DSCAML1: variants seen among roughly 807,000 people sequenced by gnomAD.
The protein encoded by DSCAML1 is DS cell adhesion molecule like 1, also known as cell adhesion molecule DSCAML1.
In DSCAML1, 38 loss-of-function variants were observed where a neutral mutation model predicts 200.5. The ratio of observed to expected loss-of-function variants is 0.19; its 90% CI spans 0.15 to 0.25. The LOEUF is 0.25. DSCAML1 is among the 10% of genes least tolerant of loss of function. The pLI, the probability that DSCAML1 is intolerant of heterozygous loss-of-function variation, is 1.00. For synonymous variants in DSCAML1, 1,215 were observed against 1,165.0 expected (o/e 1.04, Z -0.87); for missense variants, 2,223 against 2,858.8 (o/e 0.78, Z 5.07).
chr11:117,549,674 A>G (rs571904215), intron 3 of DSCAML1, among the ~76,000 whole-genome samples: 9 of 152,350 alleles, frequency 5.9e-5, no homozygotes, highest in African/African-American at 2.2e-4. Context: ...TCCAACGTCT[A>G]CATCGGTACA....
chr11:117,664,011 G>GGA (rs1457372641), intron 3 of DSCAML1, among the ~76,000 whole-genome samples: 1 of 152,232 alleles, frequency 6.6e-6, no homozygotes, highest in Non-Finnish European at 1.5e-5. Flanking sequence ...ACCAAACATT[G>GGA]GAGACACAAC....
In DSCAML1 at chr11:117,505,478, G is replaced by A. The variant is rs1194304554; in HGVS notation, c.2038C>T (p.Arg680Trp). 13 of 1,611,790 alleles carry A rather than the reference G, an allele frequency of 8.1e-6. No homozygotes were observed. The highest frequency in any genetic ancestry group is 1.1e-5 in the South Asian group (1 of 91,066). ...CCACGCACGATGAGCTGGCGCTCCC[G>A]GCTCACGGTGGCGGCTGCGTTGCTG... The part of the protein sequence containing the change: ...IASNAAATVS[R>W]ERQLIVRVPP... Residue 680 changes from arginine (R) to tryptophan (W), a missense_variant, in exon 9 of 33, where the codon CGG becomes TGG. By Grantham distance (101) the Arg-to-Trp change is moderately radical (BLOSUM62 -3). Coordinates refer to ENST00000651296, the MANE Select transcript of DSCAML1 (RefSeq NM_020693.4). This position sits in a 1 kb window ranked among gnomAD's most constrained non-coding sequence, Gnocchi z 6.7.
intron 3 of DSCAML1, among the ~76,000 whole-genome samples, chr11:117,699,484 G>T (rs774043503): frequency 6.6e-6 from 1 of 152,240 alleles, no homozygotes; most frequent in Non-Finnish European, 1.5e-5. Flanking sequence ...GGGAGGTGAC[G>T]CAGGAAAACA....
intron 3 of DSCAML1, among the ~76,000 whole-genome samples, chr11:117,565,330 A>C (rs2050738248): frequency 6.6e-6 from 1 of 152,166 alleles, no homozygotes. Context: ...AAACAGTTGA[A>C]TGTTTCTCTT....
intron 8 of DSCAML1, among the ~76,000 whole-genome samples, chr11:117,507,859 C>T (rs2049532901): frequency 6.6e-6 from 1 of 152,202 alleles, no homozygotes; most frequent in Non-Finnish European, 1.5e-5. Context: ...CTGGCGGCCT[C>T]TTTTCCTGGG....
chr11:117,493,928 T>C (rs914920406), intron 11 of DSCAML1, among the ~76,000 whole-genome samples: 2 of 152,208 alleles, frequency 1.3e-5, no homozygotes, highest in African/African-American at 4.8e-5. Flanking sequence ...GTGCCTGGCC[T>C]GGTCTTCTAC....
At position 117,505,541 on chromosome 11, in the gene DSCAML1, C is replaced by T. The variant is rs533175875; in HGVS notation, c.1975G>A (p.Val659Ile). The T allele has an allele frequency of 1.5e-5, 24 of 1,613,566 alleles. No homozygotes were observed. Among genetic ancestry groups the T allele is most frequent in the African/African-American group, 5.3e-5 (4 of 75,002 alleles). The part of the protein sequence containing the change: ...EFMSSLQISS[V>I]SLKHNGNYTC... Reference sequence around the variant, plus strand: ...TAGTTGCCGTTGTGCTTGAGGGAGACGCTAGAGATCTGCAGGGAGCTCATG... The same window carrying T: ...TAGTTGCCGTTGTGCTTGAGGGAGATGCTAGAGATCTGCAGGGAGCTCATG... Residue 659 changes from valine (V) to isoleucine (I), a missense_variant, in exon 9 of 33, where the codon GTC becomes ATC. Val to Ile is a conservative substitution (Grantham distance 29, BLOSUM62 3). This residue lies in a region of DSCAML1 where 212 missense variants were observed against 368.0 expected (regional missense o/e 0.58). Transcript: ENST00000651296. The surrounding 1 kb of genome is among the most constrained non-coding windows in gnomAD (Gnocchi z 6.7).
rs2048010525 is a variant in DSCAML1, at chr11:117,439,994, C to T, written c.3863-58G>A. ...TTCTACCCCTGCACAATATCCTGGCCTCCTTCCTTAGGGCCCCCTGGATTT... is the reference window on the plus strand; with the variant it reads ...TTCTACCCCTGCACAATATCCTGGCTTCCTTCCTTAGGGCCCCCTGGATTT... On this transcript the variant is annotated intron_variant, in intron 21 of 32. Transcript: ENST00000651296. The T allele has an allele frequency of 7.5e-6, 11 of 1,467,970 alleles. No homozygotes were observed. The East Asian group carries it at 1.1e-4, about 15-fold the overall frequency. The allele number at this position is 1,467,970 out of a possible 1,614,324, so 90.9% of individuals were successfully genotyped here.
chr11:117,579,281 T>G (rs1326415632), intron 3 of DSCAML1, among the ~76,000 whole-genome samples: 1 of 152,186 alleles, frequency 6.6e-6, no homozygotes, highest in Non-Finnish European at 1.5e-5. Flanking sequence ...ACAAGCAAAT[T>G]CAAACTCTTT....
chr11:117,489,016 C>T lies in DSCAML1; in HGVS notation c.2360-6854G>A, dbSNP rs2049136734. ...TTGGCCTGTTGTTCAGTGGTTCCTC[C>T]CAACAGCAACCACGAAAGCAAGTCT... On this transcript the variant is annotated intron_variant, in intron 11 of 32. Transcript: ENST00000651296. This position sits in a 1 kb window ranked among gnomAD's most constrained non-coding sequence, Gnocchi z 4.8. 6.6e-6 allele frequency among the ~76,000 whole-genome samples: 1 copy of T among 152,214 alleles called. No homozygotes were observed. Among genetic ancestry groups the T allele is most frequent in the Non-Finnish European group, 1.5e-5 (1 of 68,036 alleles).
chr11:117,523,439 C>A (rs938830760), intron 5 of DSCAML1, among the ~76,000 whole-genome samples: 7 of 152,154 alleles, frequency 4.6e-5, no homozygotes, highest in Non-Finnish European at 7.4e-5. Flanking sequence ...ACGAGAGGAA[C>A]CCCCAGGCCC....
At chr11:117,600,068 C>A (rs1407838521) in intron 3 of DSCAML1, among the ~76,000 whole-genome samples, 1 of 152,218 alleles carries the variant, frequency 6.6e-6, no homozygotes, top group Non-Finnish European at 1.5e-5. Context: ...ATAGAGCCCA[C>A]ATGGTAGAGG....
chr11:117,457,237 G>C (rs566184040), intron 19 of DSCAML1, among the ~76,000 whole-genome samples: 12 of 152,352 alleles, frequency 7.9e-5, no homozygotes, highest in African/African-American at 2.6e-4. Flanking sequence ...TTGGGCCCGG[G>C]CTCCTGCTGT....
intron 3 of DSCAML1, among the ~76,000 whole-genome samples, chr11:117,664,707 C>A (rs572206182): frequency 3.3e-5 from 5 of 152,166 alleles, no homozygotes; most frequent in Non-Finnish European, 7.4e-5. Context: ...TGGATTTTTG[C>A]GGAACTGTTT....
intron 3 of DSCAML1, among the ~76,000 whole-genome samples, chr11:117,559,610 C>T (rs775081219): frequency 6.6e-6 from 1 of 152,170 alleles, no homozygotes; most frequent in Non-Finnish European, 1.5e-5. Context: ...CCCCGCAATA[C>T]GTGCCTTTTA....
At chr11:117,617,680 G>GCGCACACACACACACA (rs1395796967) in intron 3 of DSCAML1, among the ~76,000 whole-genome samples, 6 of 142,908 alleles carry the variant, frequency 4.2e-5, no homozygotes, top group African/African-American at 1.6e-4. Flanking sequence ...ACAGGTACAC[G>GCGCACACACACACACA]CACACACACA....
intron 3 of DSCAML1, among the ~76,000 whole-genome samples, chr11:117,623,624 G>A (rs557025954): frequency 1.6e-4 from 25 of 152,312 alleles, no homozygotes; most frequent in African/African-American, 6.0e-4. Context: ...GAAATAAACA[G>A]AGCCAGTTTC....
chr11:117,497,387 C>T (rs554517751), intron 11 of DSCAML1, among the ~76,000 whole-genome samples: 2 of 152,092 alleles, frequency 1.3e-5, no homozygotes, highest in African/African-American at 2.4e-5. Flanking sequence ...GACCTCCTGG[C>T]GAGGGCCCAA....
intron 24 of DSCAML1, among the ~76,000 whole-genome samples, chr11:117,438,482 G>A (rs758580551): frequency 6.6e-6 from 1 of 152,188 alleles, no homozygotes; most frequent in Middle Eastern, 3.4e-3. Context: ...CCTGGGGCGT[G>A]TTAGAAAGGC....
Sources: gnomAD v4.1 joint callset for allele counts (sites outside exome capture counted in the v4.1 genomes callset) on GRCh38, gnomAD v4.1.1 for gene constraint, gnomAD v4.1.1 regional missense constraint, Gnocchi (gnomAD v3.1) non-coding constraint, MANE v1.5 for transcripts, NCBI Gene and HGNC (gene_info 2026-07-23, HGNC 2026-07-21) for gene names.